Variants in KIR3DL1 observed in about 807,000 individuals in gnomAD.
The protein encoded by KIR3DL1 is killer cell immunoglobulin like receptor, three Ig domains and long cytoplasmic tail 1.
Under a neutral mutation model 40.3 loss-of-function variants are expected in KIR3DL1, and 50 were observed. The ratio of observed to expected loss-of-function variants is 1.24; its 90% CI spans 0.99 to 1.57. KIR3DL1 has a LOEUF of 1.57. Among genes scored for constraint, KIR3DL1 ranks in the 40% most tolerant of loss-of-function variants. The pLI, the probability that KIR3DL1 is intolerant of heterozygous loss-of-function variation, is 0.00. For missense variants in KIR3DL1, 661 were observed against 559.9 expected (o/e 1.18, Z -1.82); for synonymous variants, 257 against 207.2 (o/e 1.24, Z -2.07).
At chr19:54,818,113 C>T (rs2061440144) in intron 2 of KIR3DL1, among the ~76,000 whole-genome samples, 4 of 93,352 alleles carry the variant, frequency 4.3e-5, no homozygotes, top group South Asian at 7.4e-4. Context: ...AGTTGCTTCT[C>T]CAGCAACTTG....
At chr19:54,818,050 T>A (rs1362400939) in intron 2 of KIR3DL1, among the ~76,000 whole-genome samples, 1 of 148,942 alleles carries the variant, frequency 6.7e-6, no homozygotes, top group Non-Finnish European at 1.5e-5. Context: ...CCATGCCGTG[T>A]CTACTTTGTG....
chr19:54,824,948 A>G (rs1318462308), intron 5 of KIR3DL1, 80 bp from the exon 6 acceptor site: 2 of 1,034,544 alleles, frequency 1.9e-6, no homozygotes, highest in Non-Finnish European at 1.5e-6. Flanking sequence ...AGTGTTGGCC[A>G]TGAACCAACC....
chr19:54,822,930 C>T (rs2061709209), intron 5 of KIR3DL1, among the ~76,000 whole-genome samples: 1 of 147,648 alleles, frequency 6.8e-6, no homozygotes, highest in Non-Finnish European at 1.5e-5. Context: ...GTGAACAGTG[C>T]TGGAACAGTC....
At chr19:54,821,225 AATAG>A (rs2061617399) in intron 4 of KIR3DL1, among the ~76,000 whole-genome samples, 1 of 105,054 alleles carries the variant, frequency 9.5e-6, no homozygotes, top group Non-Finnish European at 2.3e-5. Context: ...AAAATAGATA[AATAG>A]ATAGAAATGT....
exon 5 of KIR3DL1, chr19:54,821,757 G>T: frequency 1.9e-6 from 3 of 1,608,090 alleles, no homozygotes; most frequent in Non-Finnish European, 2.5e-6. Context: ...TTCCCTCTGG[G>T]CCCTGCCACC....
Position 54,824,671 on chromosome 19 carries a change from A to AAC in KIR3DL1, c.950-357_950-356insAC, listed in dbSNP as rs1569456617. ...AGCCTGCATGACAGAGCAAGATTCTATCACACACACACACAAAAAAAGCCA... is the reference window on the plus strand; with the variant it reads ...AGCCTGCATGACAGAGCAAGATTCTAACTCACACACACACACAAAAAAAGCCA... On this transcript the variant is annotated intron_variant, in intron 5 of 8. Coordinates refer to ENST00000391728, the Ensembl canonical transcript of KIR3DL1. Among the ~76,000 whole-genome samples, 19 of 147,508 alleles carry AAC rather than the reference A, an allele frequency of 1.3e-4. No homozygotes were observed. In the East Asian group the frequency reaches 2.4e-3, roughly 18 times the overall value.
intron 3 of KIR3DL1, 53 bp downstream of exon 3, chr19:54,818,652 G>A: frequency 6.4e-7 from 1 of 1,573,818 alleles, no homozygotes; most frequent in Admixed American, 1.8e-5. Context: ...GAATCCCAGA[G>A]CTTCTGGTGG....
At chr19:54,818,541 C>T in exon 3 of KIR3DL1, 1 of 1,611,612 alleles carries the variant, frequency 6.2e-7, no homozygotes, top group Non-Finnish European at 8.5e-7. Context: ...GGGGTTCACA[C>T]CCACACTCCC....
chr19:54,819,863 G>T (rs372363310), exon 4 of KIR3DL1: 4 of 1,612,010 alleles, frequency 2.5e-6, no homozygotes, highest in African/African-American at 2.7e-5. Flanking sequence ...CGCCTCGTTG[G>T]ACAGATCCAT....
At chr19:54,824,672 TCA>T (rs1226127983) in intron 5 of KIR3DL1, among the ~76,000 whole-genome samples, 1 of 144,810 alleles carries the variant, frequency 6.9e-6, no homozygotes, top group East Asian at 2.0e-4. Flanking sequence ...CAAGATTCTA[TCA>T]CACACACACA....
exon 3 of KIR3DL1, chr19:54,818,368 G>A (rs1403045485): frequency 2.0e-5 from 32 of 1,606,016 alleles, no homozygotes; most frequent in African/African-American, 2.8e-5. Context: ...GGTGCCTCGA[G>A]GAGGACACGT....
intron 2 of KIR3DL1, among the ~76,000 whole-genome samples, chr19:54,818,033 T>A (rs1185192133): frequency 4.0e-5 from 6 of 149,162 alleles, no homozygotes; most frequent in East Asian, 2.0e-4. Flanking sequence ...CACATAGGAC[T>A]TGCCCTCCAT....
rs768983513 is a variant in KIR3DL1 at position 54,825,084 on chromosome 19, T to C, written c.1000+6T>C. The stretch of plus-strand genomic sequence containing the variant: ...AGAACCAAGCTCCAAATCTGGTGAG[T>C]AAAGGACCCCTCTTATCTCTGCTTT... On this transcript the variant is annotated splice_donor_region_variant and intron_variant, in intron 6 of 8. Coordinates refer to ENST00000391728, the Ensembl canonical transcript of KIR3DL1. The C allele has an allele frequency of 2.7e-6, 4 of 1,506,532 alleles. No homozygotes were observed. Among genetic ancestry groups the C allele is most frequent in the Non-Finnish European group, 3.7e-6 (4 of 1,086,576 alleles). The allele number at this position is 1,506,532 out of a possible 1,614,324, so 93.3% of individuals were successfully genotyped here.
intron 6 of KIR3DL1, among the ~76,000 whole-genome samples, chr19:54,828,293 G>C (rs181972812): frequency 6.8e-6 from 1 of 146,142 alleles, no homozygotes; most frequent in African/African-American, 2.6e-5. Flanking sequence ...CGTGGATGTA[G>C]AAATCCTAAA....
intron 4 of KIR3DL1, 81 bp downstream of exon 4, chr19:54,820,093 T>A: frequency 1.4e-6 from 2 of 1,440,678 alleles, no homozygotes; most frequent in Non-Finnish European, 1.9e-6. Context: ...CAGGTGGTCA[T>A]GAGGAAGATA....
At chr19:54,820,795 A>G (rs1191066548) in intron 4 of KIR3DL1, among the ~76,000 whole-genome samples, 1 of 151,186 alleles carries the variant, frequency 6.6e-6, no homozygotes, top group Non-Finnish European at 1.5e-5. Context: ...TGAGGGAGGG[A>G]CACAAAGACA....
At chr19:54,816,777 T>G (rs1196467468) in intron 1 of KIR3DL1, among the ~76,000 whole-genome samples, 154 of 32,480 alleles carry the variant, frequency 4.7e-3, no homozygotes, top group African/African-American at 5.4e-3. Flanking sequence ...TGGAGATATG[T>G]GCCTGGGGTG....
intron 1 of KIR3DL1, 86 bp from the exon 2 acceptor site, chr19:54,817,448 G>A: frequency 3.5e-6 from 4 of 1,154,294 alleles, no homozygotes; most frequent in Non-Finnish European, 2.5e-6. Flanking sequence ...CAAGGGCCTG[G>A]CTGCCAAGAC....
At chr19:54,828,183 T>C (rs1396815485) in intron 6 of KIR3DL1, among the ~76,000 whole-genome samples, 6 of 151,092 alleles carry the variant, frequency 4.0e-5, no homozygotes, top group Non-Finnish European at 2.9e-5. Flanking sequence ...CACTATTTTC[T>C]GGCTGTTTGA....
Sources: allele counts gnomAD v4.1 joint callset (sites outside exome capture counted in the v4.1 genomes callset), GRCh38; gene constraint gnomAD v4.1.1; transcripts MANE v1.5; gene names NCBI Gene and HGNC (gene_info 2026-07-23, HGNC 2026-07-21).